The following LRP1B variants were observed in gnomAD, a reference collection of about 807,000 sequenced individuals.
LRP1B encodes the protein low-density lipoprotein receptor-related protein 1B.
In LRP1B, 217 loss-of-function variants were observed where a neutral mutation model predicts 556.6. That is an observed-to-expected ratio of 0.39 (90% CI 0.35 to 0.44). The LOEUF is 0.44. Among genes scored for constraint, LRP1B ranks in the 20% least tolerant of loss-of-function variants. The pLI, the probability that LRP1B is intolerant of heterozygous loss-of-function variation, is 1.00. For synonymous variants in LRP1B, 2,047 were observed against 1,865.8 expected (o/e 1.10, Z -2.50); for missense variants, 5,053 against 5,620.8 (o/e 0.90, Z 3.23).
intron 1 of LRP1B, among the ~76,000 whole-genome samples, chr2:141,910,296 G>C (rs1699874552): frequency 6.6e-6 from 1 of 151,976 alleles, no homozygotes; most frequent in Non-Finnish European, 1.5e-5. Flanking sequence ...GGGAAGGAAG[G>C]CATTAGTATT....
intron 37 of LRP1B, among the ~76,000 whole-genome samples, chr2:140,709,771 C>T (rs1232621949): frequency 6.6e-6 from 1 of 151,952 alleles, no homozygotes; most frequent in African/African-American, 2.4e-5. Context: ...GTACTTTATT[C>T]CTATGATATA....
chr2:141,403,980 T>C (rs1690537966), intron 3 of LRP1B, among the ~76,000 whole-genome samples: 1 of 152,186 alleles, frequency 6.6e-6, no homozygotes, highest in Non-Finnish European at 1.5e-5. Flanking sequence ...GAAGGCATTC[T>C]TTCTCTTTGG....
At chr2:141,302,717 C>T (rs991150174) in intron 3 of LRP1B, among the ~76,000 whole-genome samples, 7 of 151,978 alleles carry the variant, frequency 4.6e-5, no homozygotes, top group Non-Finnish European at 1.0e-4. Flanking sequence ...TCATAAAAAA[C>T]AAATAATACA....
intron 3 of LRP1B, among the ~76,000 whole-genome samples, chr2:141,278,523 A>G (rs998207310): frequency 1.3e-5 from 2 of 152,152 alleles, no homozygotes; most frequent in African/African-American, 4.8e-5. Flanking sequence ...GTTGCTGACT[A>G]AGTAAAGCAG....
At chr2:141,909,133 G>A (rs1309637221) in intron 1 of LRP1B, among the ~76,000 whole-genome samples, 1 of 151,988 alleles carries the variant, frequency 6.6e-6, no homozygotes, top group Admixed American at 6.6e-5. Context: ...TCCAAAAAGT[G>A]GTGTTCAGGG....
At chr2:141,743,775 TC>T (rs1693807773) in intron 2 of LRP1B, among the ~76,000 whole-genome samples, 1 of 152,054 alleles carries the variant, frequency 6.6e-6, no homozygotes, top group Admixed American at 6.6e-5. Flanking sequence ...TCTAGATTTC[TC>T]CAATTTGTTG....
intron 17 of LRP1B, among the ~76,000 whole-genome samples, chr2:140,984,138 T>C (rs1006252963): frequency 4.0e-5 from 6 of 151,792 alleles, no homozygotes; most frequent in African/African-American, 1.4e-4. Flanking sequence ...CAGGAAGGGG[T>C]AAAAATAGAA....
intron 89 of LRP1B, among the ~76,000 whole-genome samples, chr2:140,235,667 C>A (rs769171994): frequency 6.6e-6 from 1 of 151,010 alleles, no homozygotes; most frequent in Non-Finnish European, 1.5e-5. Context: ...GTTCTAAGTA[C>A]ATTAAAATAT....
intron 86 of LRP1B, among the ~76,000 whole-genome samples, chr2:140,253,498 TA>T (rs1196702502): frequency 6.6e-6 from 1 of 152,098 alleles, no homozygotes; most frequent in Admixed American, 6.6e-5. Flanking sequence ...AAATGATTCA[TA>T]AAAGGAAGTT....
At chr2:140,360,980 T>C (rs898312172) in intron 72 of LRP1B, among the ~76,000 whole-genome samples, 2 of 151,372 alleles carry the variant, frequency 1.3e-5, no homozygotes, top group Non-Finnish European at 3.0e-5. Flanking sequence ...TCACTATCAT[T>C]GCAACAACTC....
At chr2:141,780,576 G>A (rs975526962) in intron 2 of LRP1B, among the ~76,000 whole-genome samples, 1 of 152,114 alleles carries the variant, frequency 6.6e-6, no homozygotes, top group Admixed American at 6.6e-5. Flanking sequence ...GCTATTTTAA[G>A]CTATCGCGTG....
chr2:141,346,945 T>C lies in LRP1B; in HGVS notation c.344-92304A>G, dbSNP rs561830918. Reference sequence around the variant, plus strand: ...TTTACTTCTTGAAAACTTCCTTTAATGTTTTGTGAGAATTATTGAATGCAT... The same window carrying C: ...TTTACTTCTTGAAAACTTCCTTTAACGTTTTGTGAGAATTATTGAATGCAT... On this transcript the variant is annotated intron_variant, in intron 3 of 90. Coordinates refer to ENST00000389484, the MANE Select transcript of LRP1B (RefSeq NM_018557.3). Among the ~76,000 whole-genome samples, 3 of 152,280 alleles carry C rather than the reference T, an allele frequency of 2.0e-5. 1 individual carries two copies. The highest frequency in any genetic ancestry group is 7.2e-5 in the African/African-American group (3 of 41,578).
At chr2:140,783,730 G>T (rs558268826) in intron 32 of LRP1B, among the ~76,000 whole-genome samples, 58 of 152,170 alleles carry the variant, frequency 3.8e-4, no homozygotes, top group African/African-American at 1.3e-3. Flanking sequence ...AAAATAGGAG[G>T]ATTGCTTTAG....
At chr2:140,237,308 C>A (rs1292104862) in intron 89 of LRP1B, among the ~76,000 whole-genome samples, 1 of 150,928 alleles carries the variant, frequency 6.6e-6, no homozygotes, top group Non-Finnish European at 1.5e-5. Flanking sequence ...ACAATATCAT[C>A]CAGCTTTATC....
intron 35 of LRP1B, among the ~76,000 whole-genome samples, chr2:140,725,354 C>T (rs1687555552): frequency 6.6e-6 from 1 of 151,824 alleles, no homozygotes; most frequent in African/African-American, 2.4e-5. Flanking sequence ...ACTTCTCACT[C>T]TCCCACCCAT....
intron 37 of LRP1B, among the ~76,000 whole-genome samples, chr2:140,706,568 C>T (rs1686844334): frequency 6.6e-6 from 1 of 152,044 alleles, no homozygotes; most frequent in Admixed American, 6.6e-5. Context: ...TGTCATAATA[C>T]AAATGTCTTT....
intron 3 of LRP1B, among the ~76,000 whole-genome samples, chr2:141,256,072 C>G (rs1036942535): frequency 6.6e-6 from 1 of 151,756 alleles, no homozygotes; most frequent in African/African-American, 2.4e-5. Flanking sequence ...CAATATAAAA[C>G]AATGTTTATA....
intron 2 of LRP1B, among the ~76,000 whole-genome samples, chr2:141,755,674 A>G (rs915171539): frequency 4.6e-5 from 7 of 152,034 alleles, no homozygotes; most frequent in Non-Finnish European, 8.8e-5. Context: ...TTTTAAGGTA[A>G]TATGGAAGTA....
chr2:141,134,754 G>A (rs1426372769), intron 7 of LRP1B, among the ~76,000 whole-genome samples: 1 of 151,054 alleles, frequency 6.6e-6, no homozygotes, highest in Non-Finnish European at 1.5e-5. Flanking sequence ...AAGGGTGGGA[G>A]AAATAATTAT....
Sources: gnomAD v4.1 joint callset for allele counts (sites outside exome capture counted in the v4.1 genomes callset) on GRCh38, gnomAD v4.1.1 for gene constraint, MANE v1.5 for transcripts, NCBI Gene and HGNC (gene_info 2026-07-23, HGNC 2026-07-21) for gene names.